FRMPD4: variants seen among roughly 807,000 people sequenced by gnomAD.
FRMPD4 encodes FERM and PDZ domain-containing protein 4.
Under a neutral mutation model 94.1 loss-of-function variants are expected in FRMPD4, and 22 were observed. The ratio of observed to expected loss-of-function variants is 0.23; its 90% confidence interval spans 0.17 to 0.33. The LOEUF is 0.33. FRMPD4 is among the 10% of genes least tolerant of loss of function. The pLI, the probability that FRMPD4 is intolerant of heterozygous loss-of-function variation, is 1.00. For synonymous variants in FRMPD4, 631 were observed against 548.6 expected (o/e 1.15, Z -2.10); for missense variants, 1,111 against 1,339.9 (o/e 0.83, Z 2.67).
chrX:12,323,925 TG>T (rs2055247909), intron 1 of FRMPD4, among the ~76,000 whole-genome samples: 1 of 112,006 alleles, frequency 8.9e-6, no homozygotes, highest in East Asian at 2.8e-4. Flanking sequence ...GTTTGAATCC[TG>T]GTGTGGCTTA....
chrX:12,391,761 A>C (rs753591286), intron 1 of FRMPD4, among the ~76,000 whole-genome samples: 3 of 111,157 alleles, frequency 2.7e-5, no homozygotes, highest in African/African-American at 9.8e-5. Flanking sequence ...ATAGAGCAGG[A>C]ACACAGTGGC....
intron 2 of FRMPD4, among the ~76,000 whole-genome samples, chrX:12,502,641 T>C (rs2057935434): frequency 8.9e-6 from 1 of 111,952 alleles, no homozygotes; most frequent in Admixed American, 9.4e-5. Context: ...ATAGATCCAA[T>C]CATAGATACA....
At chrX:12,681,474 C>T (rs762249524) in intron 5 of FRMPD4, among the ~76,000 whole-genome samples, 20 of 111,734 alleles carry the variant, frequency 1.8e-4, no homozygotes, top group Non-Finnish European at 1.3e-4. Context: ...GCTATTCTTT[C>T]GGTTTCTTGC....
intron 3 of FRMPD4, among the ~76,000 whole-genome samples, chrX:12,037,977 G>A (rs967326725): frequency 3.6e-5 from 4 of 111,705 alleles, no homozygotes; most frequent in African/African-American, 1.3e-4. Context: ...CCTTTTTAGT[G>A]CGGAATAGTA....
intron 3 of FRMPD4, among the ~76,000 whole-genome samples, chrX:11,987,096 AT>A (rs1419679136): frequency 1.3e-5 from 1 of 78,368 alleles, no homozygotes; most frequent in Non-Finnish European, 2.4e-5. Flanking sequence ...GCAAAGACAC[AT>A]TAAAAAAAAA....
intron 1 of FRMPD4, among the ~76,000 whole-genome samples, chrX:12,379,629 A>AT (rs2056291359): frequency 1.0e-5 from 1 of 96,767 alleles, no homozygotes; most frequent in African/African-American, 3.8e-5. Flanking sequence ...TATACATTTT[A>AT]TTGATATGCT....
At chrX:12,249,576 TGGGG>T (rs1279159396) in intron 1 of FRMPD4, among the ~76,000 whole-genome samples, 2 of 111,390 alleles carry the variant, frequency 1.8e-5, no homozygotes, top group Non-Finnish European at 3.8e-5. Context: ...TCATGCTTTC[TGGGG>T]GCTAGAAACA....
intron 1 of FRMPD4, among the ~76,000 whole-genome samples, chrX:12,209,487 A>C (rs2056731809): frequency 8.9e-6 from 1 of 112,269 alleles, no homozygotes; most frequent in African/African-American, 3.2e-5. Context: ...TAGATATTTA[A>C]AGCCACATCT....
At chrX:12,679,122 C>G (rs778694999) in intron 5 of FRMPD4, among the ~76,000 whole-genome samples, 26 of 112,185 alleles carry the variant, frequency 2.3e-4, no homozygotes, top group Non-Finnish European at 4.1e-4. Flanking sequence ...AGCCCAATTT[C>G]CAATGGAGAA....
intron 1 of FRMPD4, among the ~76,000 whole-genome samples, chrX:12,317,144 C>T (rs2055130639): frequency 9.0e-6 from 1 of 111,428 alleles, no homozygotes; most frequent in African/African-American, 3.3e-5. Context: ...AAACAGATTT[C>T]CTTTATTCTG....
intron 1 of FRMPD4, among the ~76,000 whole-genome samples, chrX:12,295,787 T>C (rs764718900): frequency 8.9e-6 from 1 of 112,133 alleles, no homozygotes; most frequent in Non-Finnish European, 1.9e-5. Flanking sequence ...ATATGAACGT[T>C]CCTTATTTCC....
chrX:12,548,450 G>A (rs1411392584), intron 2 of FRMPD4, among the ~76,000 whole-genome samples: 12 of 112,048 alleles, frequency 1.1e-4, no homozygotes, highest in Admixed American at 5.7e-4. Context: ...TTACTTGCCC[G>A]AAGTTACATA....
intron 4 of FRMPD4, among the ~76,000 whole-genome samples, chrX:12,671,008 G>C (rs1042707091): frequency 8.9e-6 from 1 of 112,525 alleles, no homozygotes; most frequent in Non-Finnish European, 1.9e-5. Context: ...CTGGTCATTA[G>C]AGAAATGCAA....
chrX:12,694,942 G>T (rs2060113912), intron 9 of FRMPD4, among the ~76,000 whole-genome samples: 1 of 111,883 alleles, frequency 8.9e-6, no homozygotes, highest in South Asian at 3.7e-4. Flanking sequence ...CTCATCTACA[G>T]TTTATATCCA....
At chrX:12,166,983 T>C (rs937216176) in intron 1 of FRMPD4, among the ~76,000 whole-genome samples, 1 of 111,380 alleles carries the variant, frequency 9.0e-6, no homozygotes, top group African/African-American at 3.3e-5. Flanking sequence ...TCAATTTTGT[T>C]GATCTTTTCA....
At chrX:11,882,656 T>C (rs1402735372) in intron 3 of FRMPD4, among the ~76,000 whole-genome samples, 2 of 112,040 alleles carry the variant, frequency 1.8e-5, no homozygotes, top group Admixed American at 1.9e-4. Flanking sequence ...GAAACATAAA[T>C]GAATTTCATG....
rs60479551 is a variant in FRMPD4, at chrX:12,299,293, A to AAGG, written c.41+160301_41+160303dup. Among the ~76,000 whole-genome samples the AAGG allele has an allele frequency of 6.5e-3, 706 of 109,054 alleles. 2 individuals carry two copies. Among genetic ancestry groups the AAGG allele is most frequent in the African/African-American group, 0.022 (655 of 29,608 alleles). 94.7% of individuals were successfully genotyped at this position (109,054 alleles called of 115,157 possible). On this transcript the variant is annotated intron_variant, in intron 1 of 16. Transcript: ENST00000675598. ...GGAAGAGAAGTAGGAGGAGGAGGTA[A>AAGG]AGGAGGAGGAGGAGGAGGAGGAAGA...
chrX:12,128,584 G>T lies in FRMPD4; in HGVS notation c.95+250566G>T, dbSNP rs1461768307. On this transcript the variant is annotated intron_variant, in intron 3 of 18. Transcript: ENST00000640291. ...CCATTGTTTTGGTGATTAACATTCAGCTCCTCATTACTTATGTAAATTTCT... is the reference window on the plus strand; with the variant it reads ...CCATTGTTTTGGTGATTAACATTCATCTCCTCATTACTTATGTAAATTTCT... 4.5e-5 allele frequency among the ~76,000 whole-genome samples: 5 copies of T among 112,226 alleles called. No individual in the cohort carries two copies. The Admixed American group carries it at 4.7e-4, about 11-fold the overall frequency.
chrX:12,203,223 G>A (rs928168681), intron 1 of FRMPD4, among the ~76,000 whole-genome samples: 10 of 111,575 alleles, frequency 9.0e-5, no homozygotes, highest in African/African-American at 2.6e-4. Flanking sequence ...AAATTGAACA[G>A]GAAAGGATCG....
Sources: allele counts gnomAD v4.1 joint callset (sites outside exome capture counted in the v4.1 genomes callset), GRCh38; gene constraint gnomAD v4.1.1; transcripts MANE v1.5; gene names NCBI Gene and HGNC (gene_info 2026-07-23, HGNC 2026-07-21).